GUCY2C: variants seen among roughly 807,000 people sequenced by gnomAD.
GUCY2C encodes the protein guanylate cyclase 2C.
Under a neutral mutation model 131.1 loss-of-function variants are expected in GUCY2C, and 118 were observed. That is an observed-to-expected ratio of 0.90 (90% CI 0.78 to 1.05). The LOEUF (loss-of-function observed/expected upper bound fraction) is 1.05. GUCY2C is among the 50% of genes least tolerant of loss of function. The pLI, the probability that GUCY2C is intolerant of heterozygous loss-of-function variation, is 0.00. For synonymous variants in GUCY2C, 452 were observed against 457.8 expected (o/e 0.99, Z 0.16); for missense variants, 1,161 against 1,304.4 (o/e 0.89, Z 1.69).
chr12:14,645,020 T>G (rs759272863), intron 16 of GUCY2C, among the ~76,000 whole-genome samples: 1 of 152,084 alleles, frequency 6.6e-6, no homozygotes, highest in South Asian at 2.1e-4. Context: ...CTGATAGATA[T>G]ATATTGAACA....
In GUCY2C at chr12:14,681,467, C is replaced by T; in HGVS notation, c.622G>A (p.Ala208Thr). ...ETEDCFWYLN[A>T]LEASVSYFSH... ...AAATAGGAAACGCTAGCCTCCAGAG[C>T]ATTAAGGTACCTGGAATAGGAAAAA... Residue 208 changes from alanine (A) to threonine (T), a missense_variant, in exon 5 of 27, where the codon GCT (alanine) becomes ACT (threonine). By Grantham distance (58) the Ala-to-Thr change is moderately conservative (BLOSUM62 0). Coordinates refer to ENST00000261170, the MANE Select transcript of GUCY2C (RefSeq NM_004963.4). The T allele has an allele frequency of 1.3e-6, 2 of 1,581,182 alleles. No homozygotes were observed. Among genetic ancestry groups the T allele is most frequent in the South Asian group, 2.2e-5 (2 of 89,182 alleles).
intron 10 of GUCY2C, chr12:14,665,885 T>C (rs1018519574): frequency 3.3e-5 from 5 of 152,240 alleles, no homozygotes; most frequent in African/African-American, 1.2e-4. Context: ...GGCTTCATTG[T>C]CTGGGGACAT....
rs1163930491 is a variant in GUCY2C at position 14,612,884 on chromosome 12, A to G, written c.*233T>C. 9.3e-6 allele frequency: 4 copies of G among 430,634 alleles called. No individual in the cohort carries two copies. Among genetic ancestry groups the G allele is most frequent in the African/African-American group, 7.9e-5 (4 of 50,720 alleles). 26.7% of individuals were successfully genotyped at this position (430,634 alleles called of 1,614,324 possible). On this transcript the variant is annotated 3_prime_UTR_variant, in exon 27 of 27. Coordinates refer to ENST00000261170, the MANE Select transcript of GUCY2C (RefSeq NM_004963.4). ...TCATTTCTTTTCTTTTCCAGGTAGA[A>G]GCTCCCTGGAACAACTGCTGGAATA... is the stretch of plus-strand genomic sequence containing the variant.
intron 3 of GUCY2C, among the ~76,000 whole-genome samples, chr12:14,684,578 TTCC>T (rs1246448821): frequency 0.015 from 114 of 7,380 alleles, 3 homozygotes; most frequent in African/African-American, 0.024. Flanking sequence ...CCTTCCTTCC[TTCC>T]TTCCTTCCTT....
chr12:14,614,623 C>A (rs1255550273), intron 26 of GUCY2C: 1 of 437,786 alleles, frequency 2.3e-6, no homozygotes, highest in Admixed American at 4.8e-5. Flanking sequence ...GTCTGTGTTC[C>A]AGACAGGGAA....
chr12:14,661,635 C>T (rs1243565801), intron 10 of GUCY2C, among the ~76,000 whole-genome samples: 2 of 151,970 alleles, frequency 1.3e-5, no homozygotes, highest in Non-Finnish European at 2.9e-5. Context: ...AATGGGGTTT[C>T]GCCATGTTGC....
rs778155498 is a variant in GUCY2C, at chr12:14,613,343, A to T, written c.3048-52T>A. 7.5e-7 allele frequency: 1 copy of T among 1,337,386 alleles called. No homozygotes were observed. Among genetic ancestry groups the T allele is most frequent in the South Asian group, 1.2e-5 (1 of 85,474 alleles). 82.8% of individuals were successfully genotyped at this position (1,337,386 alleles called of 1,614,324 possible). A position where few individuals can be genotyped will look rare whatever the true frequency, so the allele number is the denominator to read the frequency against. ...AGAACTTCTCAGCAATTCATACAGA[A>T]TATTCCTTAGCTCCAGAATAATCAG... On this transcript the variant is annotated intron_variant, in intron 26 of 26. Coordinates refer to ENST00000261170, the MANE Select transcript of GUCY2C (RefSeq NM_004963.4). This position sits in a 1 kb window ranked among gnomAD's most constrained non-coding sequence, Gnocchi z 4.9.
Position 14,628,734 on chromosome 12 carries a change from A to G in GUCY2C, c.2161T>C (p.Tyr721His). The G allele has an allele frequency of 1.3e-6, 2 of 1,539,588 alleles. No individual in the cohort carries two copies. The highest frequency in any genetic ancestry group is 1.8e-6 in the Non-Finnish European group (2 of 1,128,766). Residue 721 changes from tyrosine to histidine, a missense_variant, in exon 20 of 27, where the codon TAC becomes CAC. Transcript: ENST00000261170. ...TCCCAACAGTTTTTTACAAGTAGGTACACCTGGAAGAAAAAAAAACGGGCA... is the reference window on the plus strand; with the variant it reads ...TCCCAACAGTTTTTTACAAGTAGGTGCACCTGGAAGAAAAAAAAACGGGCA... ...ETAEEKELEV[Y>H]LLVKNCWEED... is the part of the protein sequence containing the mutation.
At chr12:14,630,656 C>A (rs1362842542) in intron 19 of GUCY2C, among the ~76,000 whole-genome samples, 1 of 152,120 alleles carries the variant, frequency 6.6e-6, no homozygotes, top group Non-Finnish European at 1.5e-5. Context: ...ATATCAGATC[C>A]TTGAGCCGCT....
chr12:14,678,521 C>T (rs1240431166), intron 6 of GUCY2C, among the ~76,000 whole-genome samples: 1 of 152,198 alleles, frequency 6.6e-6, no homozygotes, highest in African/African-American at 2.4e-5. Context: ...ATCAGTAACT[C>T]TGCCCTCTTT....
Position 14,614,918 on chromosome 12 carries a change from CAGTAGGT to C in GUCY2C, c.2989_2995del (p.Thr997GlyfsTer2), listed in dbSNP as rs1946725623. On this transcript the variant is annotated frameshift_variant, in exon 26 of 27. Transcript: ENST00000261170. LOFTEE classifies it high-confidence loss of function. ...TTTCTGGTCCTTCATCCCAGTCAGC[CAGTAGGT>C]AGTCTCATTTCCTCTTCCCTGGTAA... 1 of 1,582,754 alleles carries C rather than the reference CAGTAGGT, an allele frequency of 6.3e-7. No individual in the cohort carries two copies. Among genetic ancestry groups the C allele is most frequent in the Non-Finnish European group, 8.6e-7 (1 of 1,167,376 alleles).
chr12:14,658,471 G>A (rs1947802511), intron 11 of GUCY2C, among the ~76,000 whole-genome samples: 1 of 152,152 alleles, frequency 6.6e-6, no homozygotes, highest in African/African-American at 2.4e-5. Context: ...GAGGTCAGGA[G>A]TTGAGACCAG....
chr12:14,639,874 T>C lies in GUCY2C; in HGVS notation c.2145A>G (p.Glu715=). 1 of 1,596,876 alleles carries C rather than the reference T, an allele frequency of 6.3e-7. No homozygotes were observed. The change falls in exon 19 of 27, where the codon GAA becomes GAG. Residue 715 remains glutamate (E), a synonymous_variant. Coordinates refer to ENST00000261170, the MANE Select transcript of GUCY2C (RefSeq NM_004963.4). ...AAGATATACTCACTTCTAGCTCTTTTTCCTCTGCTGTTTCCAAGAATAAAT... is the reference window on the plus strand; with the variant it reads ...AAGATATACTCACTTCTAGCTCTTTCTCCTCTGCTGTTTCCAAGAATAAAT... ...RPDLFLETAE[E]KELEVYLLVK...
rs771651235 is a variant in GUCY2C at position 14,614,877 on chromosome 12, G to T, written c.3037C>A (p.Pro1013Thr). The T allele has an allele frequency of 6.3e-7, 1 of 1,584,756 alleles. No homozygotes were observed. ...MKDQKFNLPT[P>T]PTVENQQRLQ... is the part of the protein sequence containing the mutation. ...CACCCAGAAGCTTACACAGTAGGAG[G>T]GGTTGGCAGGTTGAATTTCTGGTCC... Residue 1013 changes from proline to threonine, a missense_variant, in exon 26 of 27, where the codon CCT becomes ACT. Coordinates refer to ENST00000261170, the MANE Select transcript of GUCY2C (RefSeq NM_004963.4).
chr12:14,696,490 C>G lies in GUCY2C; in HGVS notation c.-42G>C. ...GAACCATACTCCTTGTGCCCACTTG[C>G]TTTGCTCTGTTGGGCTCCTAGGGAG... On this transcript the variant is annotated 5_prime_UTR_variant, in exon 1 of 27. Transcript: ENST00000261170. 4.6e-6 allele frequency: 7 copies of G among 1,511,460 alleles called. No individual in the cohort carries two copies. Among genetic ancestry groups the G allele is most frequent in the Non-Finnish European group, 6.4e-6 (7 of 1,090,600 alleles). 93.6% of individuals were successfully genotyped at this position (1,511,460 alleles called of 1,614,324 possible).
intron 19 of GUCY2C, among the ~76,000 whole-genome samples, chr12:14,634,950 G>C (rs1947231204): frequency 6.6e-6 from 1 of 152,134 alleles, no homozygotes; most frequent in Non-Finnish European, 1.5e-5. Context: ...CAACATTGAA[G>C]CATACAGACA....
At chr12:14,669,699 A>G in intron 10 of GUCY2C, 23 bp downstream of exon 10, 1 of 1,177,590 alleles carries the variant, frequency 8.5e-7, no homozygotes, top group East Asian at 2.4e-5. Flanking sequence ...TCAGGGAGAG[A>G]AAATTCATTA....
At chr12:14,651,580 C>CA (rs1020701721) in intron 14 of GUCY2C, 69 bp from the exon 15 acceptor site, 26 of 787,060 alleles carry the variant, frequency 3.3e-5, no homozygotes, top group Non-Finnish European at 6.8e-6. Context: ...ATTAATATGC[C>CA]AATAAAATGT....
chr12:14,681,558 A>T, intron 4 of GUCY2C, 81 bp from the exon 5 acceptor site: 1 of 1,203,176 alleles, frequency 8.3e-7, no homozygotes, highest in Middle Eastern at 1.9e-4. Flanking sequence ...TTGCAGATCT[A>T]TCCTGGGATT....
Sources: allele counts gnomAD v4.1 joint callset (sites outside exome capture counted in the v4.1 genomes callset), GRCh38; gene constraint gnomAD v4.1.1; non-coding constraint Gnocchi (gnomAD v3.1); transcripts MANE v1.5; gene names NCBI Gene and HGNC (gene_info 2026-07-23, HGNC 2026-07-21).